Variants in CMTM8 observed in about 807,000 individuals in gnomAD.
The protein encoded by CMTM8 is CKLF-like MARVEL transmembrane domain-containing protein 8.
Under a neutral mutation model 18.6 loss-of-function variants are expected in CMTM8, and 12 were observed. The observed-to-expected ratio is 0.65, with a 90% CI of 0.41 to 1.05. CMTM8 has a LOEUF of 1.05. Ranked by LOEUF, CMTM8 falls within the 50% of genes least tolerant of loss-of-function variation. CMTM8 has a pLI of 0.00. For missense variants in CMTM8, 217 were observed against 227.2 expected (o/e 0.95, Z 0.29); for synonymous variants, 87 against 90.6 (o/e 0.96, Z 0.23).
At chr3:32,289,194 C>A (rs4276227) in intron 1 of CMTM8, among the ~76,000 whole-genome samples, 1 of 151,978 alleles carries the variant, frequency 6.6e-6, no homozygotes, top group Non-Finnish European at 1.5e-5. Flanking sequence ...AAAGCCCCAA[C>A]GATAACGGAT....
intron 1 of CMTM8, among the ~76,000 whole-genome samples, chr3:32,250,079 A>G (rs919183372): frequency 1.3e-5 from 2 of 152,214 alleles, no homozygotes; most frequent in African/African-American, 4.8e-5. Context: ...TTTAACCTCA[A>G]TCTTTCACAT....
chr3:32,367,401 T>G (rs150926617), intron 2 of CMTM8, among the ~76,000 whole-genome samples: 65 of 152,256 alleles, frequency 4.3e-4, no homozygotes, highest in African/African-American at 1.5e-3. Context: ...TATCCCTCCC[T>G]GTTTGGAATG....
At chr3:32,311,929 G>A (rs1235996709) in intron 1 of CMTM8, among the ~76,000 whole-genome samples, 1 of 152,220 alleles carries the variant, frequency 6.6e-6, no homozygotes, top group Non-Finnish European at 1.5e-5. Flanking sequence ...AGCCCGGGAA[G>A]CACTGGGAAG....
Position 32,357,458 on chromosome 3 carries a change from T to G in CMTM8, c.233T>G (p.Val78Gly). 1 of 1,614,084 alleles carries G rather than the reference T, an allele frequency of 6.2e-7. No homozygotes were observed. The highest frequency in any genetic ancestry group is 8.5e-7 in the Non-Finnish European group (1 of 1,179,998). ...PAFGWVMFVA[V>G]FYWVLTVFFL... The stretch of plus-strand genomic sequence containing the variant: ...TTTGGCTGGGTCATGTTTGTAGCTG[T>G]ATTTTACTGGGTCCTCACCGTCTTC... The change falls in exon 2 of 4, where the codon GTA becomes GGA. Residue 78 changes from valine (V) to glycine (G), a missense_variant. Transcript: ENST00000307526.
chr3:32,355,426 C>A (rs747796770), intron 1 of CMTM8, among the ~76,000 whole-genome samples: 2 of 152,204 alleles, frequency 1.3e-5, no homozygotes, highest in South Asian at 2.1e-4. Flanking sequence ...CCTCCCCCAA[C>A]CCCATGTCTA....
At chr3:32,277,184 G>T (rs1702533544) in intron 1 of CMTM8, among the ~76,000 whole-genome samples, 1 of 152,004 alleles carries the variant, frequency 6.6e-6, no homozygotes, top group Admixed American at 6.6e-5. Flanking sequence ...AACACTCCCA[G>T]CCCTGAGAAA....
chr3:32,254,190 G>A (rs1023104112), intron 1 of CMTM8, among the ~76,000 whole-genome samples: 4 of 152,122 alleles, frequency 2.6e-5, no homozygotes, highest in Non-Finnish European at 4.4e-5. Context: ...CACTGCACCC[G>A]GCCTTGTCCC....
Position 32,238,922 on chromosome 3 carries a change from C to G in CMTM8, c.-51C>G. The G allele has an allele frequency of 1.3e-6, 2 of 1,522,852 alleles. No individual in the cohort carries two copies. Among genetic ancestry groups the G allele is most frequent in the Non-Finnish European group, 1.8e-6 (2 of 1,133,498 alleles). 94.3% of individuals were successfully genotyped at this position (1,522,852 alleles called of 1,614,324 possible). ...AGGGCGCAGGGCCGCGCGTCCAGCC[C>G]CAGACCCGCCGGGGTCCCTGGGGAC... On this transcript the variant is annotated 5_prime_UTR_variant, in exon 1 of 4. Coordinates refer to ENST00000307526, the MANE Select transcript of CMTM8 (RefSeq NM_178868.5).
chr3:32,283,212 C>G (rs1043462745), intron 1 of CMTM8, among the ~76,000 whole-genome samples: 3 of 152,150 alleles, frequency 2.0e-5, no homozygotes. Context: ...TTGAGAATCC[C>G]TGCTTTAGCC....
At chr3:32,321,178 C>CGG (rs150353959) in intron 1 of CMTM8, among the ~76,000 whole-genome samples, 16 of 151,940 alleles carry the variant, frequency 1.1e-4, no homozygotes, top group East Asian at 9.8e-4. Flanking sequence ...GGTGAAGCGG[C>CGG]GGGGGGGCCA....
chr3:32,323,342 C>T (rs1299865546), intron 1 of CMTM8, among the ~76,000 whole-genome samples: 6 of 152,298 alleles, frequency 3.9e-5, no homozygotes, highest in African/African-American at 1.2e-4. Flanking sequence ...GTGAAACAAC[C>T]GTTTTCACAT....
chr3:32,292,388 T>C (rs1445004219), intron 1 of CMTM8, among the ~76,000 whole-genome samples: 7 of 152,238 alleles, frequency 4.6e-5, no homozygotes, highest in Non-Finnish European at 2.9e-5. Context: ...CAGCTGAGTC[T>C]TGATCTGAAG....
chr3:32,298,319 G>A (rs1011388663), intron 1 of CMTM8, among the ~76,000 whole-genome samples: 1 of 148,112 alleles, frequency 6.8e-6, no homozygotes, highest in African/African-American at 2.4e-5. Context: ...CAATCCACCC[G>A]CATTGGCCTC....
chr3:32,303,030 C>G (rs1489106507), intron 1 of CMTM8, among the ~76,000 whole-genome samples: 3 of 152,154 alleles, frequency 2.0e-5, no homozygotes, highest in African/African-American at 7.2e-5. Flanking sequence ...ATCACATGCC[C>G]GATTGCACAG....
At chr3:32,288,690 C>T (rs763416654) in intron 1 of CMTM8, among the ~76,000 whole-genome samples, 27 of 152,090 alleles carry the variant, frequency 1.8e-4, no homozygotes, top group African/African-American at 2.2e-4. Context: ...TTAGTAGAGA[C>T]GGCATTTCAC....
At position 32,238,983 on chromosome 3, in the gene CMTM8, C is replaced by A; in HGVS notation, c.11C>A (p.Pro4Gln). 6.5e-7 allele frequency: 1 copy of A among 1,549,448 alleles called. No individual in the cohort carries two copies. The highest frequency in any genetic ancestry group is 1.2e-5 in the South Asian group (1 of 83,768). Residue 4 changes from proline to glutamine, a missense_variant, in exon 1 of 4, where the codon CCG becomes CAG. Pro to Gln is a moderately conservative substitution (Grantham distance 76). Transcript: ENST00000307526. Reference sequence around the variant, plus strand: ...GGCAGTGGCTCGACGATGGAGGAGCCGCAGCGCGCCCGCTCGCACACAGTC... The same window carrying A: ...GGCAGTGGCTCGACGATGGAGGAGCAGCAGCGCGCCCGCTCGCACACAGTC... MEE[P>Q]QRARSHTVTT... is the part of the protein sequence containing the mutation.
At chr3:32,299,349 G>T (rs1028851280) in intron 1 of CMTM8, among the ~76,000 whole-genome samples, 5 of 152,112 alleles carry the variant, frequency 3.3e-5, no homozygotes, top group African/African-American at 1.2e-4. Context: ...GAAGTACTTG[G>T]TTTAACCATT....
At position 32,268,877 on chromosome 3, in the gene CMTM8, A is replaced by G. The variant is rs28623416; in HGVS notation, c.147+29758A>G. ...CTTATCTTGCCTTGCCCTTTCCTTC[A>G]TCTATTCAAAATTATAACAGGTGCC... is the stretch of plus-strand genomic sequence containing the variant. On this transcript the variant is annotated intron_variant, in intron 1 of 3. Coordinates refer to ENST00000307526, the MANE Select transcript of CMTM8 (RefSeq NM_178868.5). 6.1e-3 allele frequency among the ~76,000 whole-genome samples: 928 copies of G among 152,310 alleles called. 7 individuals are homozygous for G. Among genetic ancestry groups the G allele is most frequent in the African/African-American group, 0.022 (896 of 41,568 alleles).
chr3:32,285,496 G>A (rs1702667442), intron 1 of CMTM8, among the ~76,000 whole-genome samples: 1 of 143,142 alleles, frequency 7.0e-6, no homozygotes, highest in Non-Finnish European at 1.5e-5. Context: ...CTGGGTGACA[G>A]AGCGAGATTC....
Sources: gnomAD v4.1 joint callset for allele counts (sites outside exome capture counted in the v4.1 genomes callset) on GRCh38, gnomAD v4.1.1 for gene constraint, MANE v1.5 for transcripts, NCBI Gene and HGNC (gene_info 2026-07-23, HGNC 2026-07-21) for gene names.